The following HSF5 variants were observed in gnomAD, a reference collection of about 807,000 sequenced individuals.
HSF5 encodes heat shock transcription factor 5, also known as heat shock factor protein 5.
A neutral mutation model predicts 50.8 loss-of-function variants in HSF5; 5 were observed. That is an observed-to-expected ratio of 0.10 (90% CI 0.05 to 0.21). The LOEUF is 0.21. Among genes scored for constraint, HSF5 ranks in the 10% least tolerant of loss-of-function variants. The pLI is 1.00. For synonymous variants in HSF5, 307 were observed against 307.4 expected, an observed-to-expected ratio of 1.00 and a Z score of 0.02; for missense variants, 564 against 762.6, an observed-to-expected ratio of 0.74 and a Z score of 3.07.
intron 5 of HSF5, among the ~76,000 whole-genome samples, chr17:58,435,650 T>C (rs1974418384): frequency 6.6e-6 from 1 of 152,114 alleles, no homozygotes; most frequent in Non-Finnish European, 1.5e-5. Context: ...CTGTGGCTCA[T>C]GCCTGTAATC....
intron 1 of HSF5, among the ~76,000 whole-genome samples, chr17:58,487,210 T>A (rs1439241927): frequency 6.6e-6 from 1 of 152,182 alleles, no homozygotes; most frequent in Non-Finnish European, 1.5e-5. Context: ...CCAACCGTAA[T>A]GTTCTAAATT....
At chr17:58,423,965 G>A (rs1404773313) in intron 5 of HSF5, among the ~76,000 whole-genome samples, 3 of 152,182 alleles carry the variant, frequency 2.0e-5, no homozygotes, top group African/African-American at 7.2e-5. Context: ...AAATAAAATG[G>A]AATTCTACTA....
intron 4 of HSF5, among the ~76,000 whole-genome samples, chr17:58,461,364 A>G (rs185539992): frequency 1.6e-4 from 24 of 152,208 alleles, no homozygotes; most frequent in Admixed American, 1.4e-3. Context: ...GGTGATATAA[A>G]TTTAAGACAT....
At chr17:58,468,384 T>C (rs1974900028) in intron 2 of HSF5, among the ~76,000 whole-genome samples, 1 of 152,012 alleles carries the variant, frequency 6.6e-6, no homozygotes, top group African/African-American at 2.4e-5. Context: ...GGTGACAGAG[T>C]AAGACTCTAT....
At chr17:58,472,307 C>T (rs1295298323) in intron 2 of HSF5, among the ~76,000 whole-genome samples, 1 of 151,946 alleles carries the variant, frequency 6.6e-6, no homozygotes. Flanking sequence ...GCTGTACCCC[C>T]CCCAAAAAAA....
chr17:58,444,852 G>T (rs1974538852), intron 5 of HSF5, among the ~76,000 whole-genome samples: 1 of 152,120 alleles, frequency 6.6e-6, no homozygotes, highest in Non-Finnish European at 1.5e-5. Context: ...TTAATATTCA[G>T]AATATGTTTT....
At chr17:58,441,205 A>G (rs1221313159) in intron 5 of HSF5, among the ~76,000 whole-genome samples, 1 of 152,238 alleles carries the variant, frequency 6.6e-6, no homozygotes, top group Non-Finnish European at 1.5e-5. Context: ...TAAAGTAACT[A>G]GGAAAACCTC....
chr17:58,462,246 T>C (rs574003527), intron 4 of HSF5, among the ~76,000 whole-genome samples: 2 of 152,214 alleles, frequency 1.3e-5, no homozygotes, highest in Non-Finnish European at 2.9e-5. Flanking sequence ...GAATTAGCCT[T>C]TACCTTCTGC....
chr17:58,452,653 T>C (rs1974656569), intron 5 of HSF5, among the ~76,000 whole-genome samples: 1 of 152,132 alleles, frequency 6.6e-6, no homozygotes, highest in Non-Finnish European at 1.5e-5. Flanking sequence ...CTACAAAAAA[T>C]TTAAAAATTA....
Position 58,487,966 on chromosome 17 carries a change from T to C in HSF5, c.309A>G (p.Ala103=), listed in dbSNP as rs746081240. 1.9e-6 allele frequency: 3 copies of C among 1,611,128 alleles called. No homozygotes were observed. Among genetic ancestry groups the C allele is most frequent in the Admixed American group, 1.7e-5 (1 of 59,904 alleles). ...VLGGPGGGKP[A]GNGPLHHFHN... ...GGAAGTGATGGAGCGGCCCATTGCC[T>C]GCCGGTTTGCCGCCCCCCGGCCCGC... Residue 103 remains alanine, a synonymous_variant, in exon 1 of 6, where the codon GCA becomes GCG. Coordinates refer to ENST00000323777, the MANE Select transcript of HSF5 (RefSeq NM_001080439.3).
At chr17:58,484,846 G>A (rs1222496784) in intron 1 of HSF5, among the ~76,000 whole-genome samples, 1 of 151,232 alleles carries the variant, frequency 6.6e-6, no homozygotes, top group East Asian at 1.9e-4. Context: ...AATGAACCAA[G>A]TACTGTTGTC....
At chr17:58,437,623 A>T (rs1974443352) in intron 5 of HSF5, among the ~76,000 whole-genome samples, 1 of 152,212 alleles carries the variant, frequency 6.6e-6, no homozygotes, top group African/African-American at 2.4e-5. Context: ...ATAATTTTAC[A>T]GCATATACTT....
chr17:58,426,077 T>C (rs1030666202), intron 5 of HSF5, among the ~76,000 whole-genome samples: 7 of 152,196 alleles, frequency 4.6e-5, no homozygotes, highest in African/African-American at 1.7e-4. Flanking sequence ...AATAAGATTT[T>C]GGAATATGAA....
At chr17:58,482,515 CCTGA>C (rs1263869454) in intron 1 of HSF5, among the ~76,000 whole-genome samples, 1 of 151,586 alleles carries the variant, frequency 6.6e-6, no homozygotes, top group East Asian at 1.9e-4. Context: ...TCAAGACCAG[CCTGA>C]CTAACATGGA....
intron 5 of HSF5, among the ~76,000 whole-genome samples, chr17:58,425,361 G>A (rs1974280535): frequency 6.6e-6 from 1 of 151,232 alleles, no homozygotes; most frequent in Non-Finnish European, 1.5e-5. Context: ...AGCCGAGATT[G>A]CGTCATTGCA....
chr17:58,465,970 T>C (rs932957762), intron 3 of HSF5, among the ~76,000 whole-genome samples: 30 of 152,058 alleles, frequency 2.0e-4, no homozygotes, highest in Middle Eastern at 3.2e-3. Context: ...AAGTGGAAAA[T>C]TCCAGCAGAA....
At chr17:58,472,006 A>C (rs1334866755) in intron 2 of HSF5, among the ~76,000 whole-genome samples, 4 of 151,926 alleles carry the variant, frequency 2.6e-5, no homozygotes, top group African/African-American at 9.7e-5. Flanking sequence ...GGTGTGCGCC[A>C]CCATGCCTGG....
intron 2 of HSF5, among the ~76,000 whole-genome samples, chr17:58,472,033 T>G (rs1974953636): frequency 1.3e-5 from 2 of 151,956 alleles, no homozygotes; most frequent in Non-Finnish European, 2.9e-5. Flanking sequence ...TTTTTTGGAT[T>G]TTTAGTAGAG....
intron 1 of HSF5, among the ~76,000 whole-genome samples, chr17:58,480,904 C>T (rs1975091088): frequency 6.6e-6 from 1 of 152,140 alleles, no homozygotes; most frequent in Admixed American, 6.6e-5. Context: ...CCTCCCACCT[C>T]AGCCTCCTGA....
Sources: gnomAD v4.1 joint callset for allele counts (sites outside exome capture counted in the v4.1 genomes callset) on GRCh38, gnomAD v4.1.1 for gene constraint, MANE v1.5 for transcripts, NCBI Gene and HGNC (gene_info 2026-07-23, HGNC 2026-07-21) for gene names.